Variants in MUSK observed in about 807,000 individuals in gnomAD.
MUSK encodes the protein muscle, skeletal receptor tyrosine-protein kinase.
MUSK carries 55 observed loss-of-function variants against 88.7 expected under a neutral mutation model. The observed-to-expected ratio is 0.62, with a 90% CI of 0.50 to 0.78. The LOEUF (loss-of-function observed/expected upper bound fraction) is 0.78, where lower values mean the gene tolerates loss of function less well. MUSK is among the 30% of genes least tolerant of loss of function. The pLI, the probability that MUSK is intolerant of heterozygous loss-of-function variation, is 0.00. For synonymous variants in MUSK, 387 were observed against 391.9 expected, an observed-to-expected ratio of 0.99 and a Z score of 0.15; for missense variants, 1,015 against 1,074.3, an observed-to-expected ratio of 0.94 and a Z score of 0.77.
At chr9:110,737,815 G>C (rs1482528725) in intron 6 of MUSK, among the ~76,000 whole-genome samples, 1 of 152,062 alleles carries the variant, frequency 6.6e-6, no homozygotes. Context: ...CTCTGCATAT[G>C]TTTGTGGAGG....
At position 110,800,854 on chromosome 9, in the gene MUSK, A is replaced by T. The variant is rs757984021; in HGVS notation, c.2476A>T (p.Asn826Tyr). The T allele has an allele frequency of 6.2e-7, 1 of 1,606,190 alleles. No homozygotes were observed. The highest frequency in any genetic ancestry group is 8.5e-7 in the Non-Finnish European group (1 of 1,174,936). Residue 826 changes from asparagine (N) to tyrosine (Y), a missense_variant, in exon 15 of 15, where the codon AAC becomes TAC. By Grantham distance (143) the Asn-to-Tyr change is moderately radical. Coordinates refer to ENST00000374448, the MANE Select transcript of MUSK (RefSeq NM_005592.4). ...TGGCAACATCCTCTCCTGCCCTGAG[A>T]ACTGCCCCGTGGAGCTGTACAATCT... The part of the protein sequence containing the change: ...RDGNILSCPE[N>Y]CPVELYNLMR...
intron 1 of MUSK, among the ~76,000 whole-genome samples, chr9:110,679,200 T>C (rs1292623854): frequency 1.3e-5 from 2 of 152,092 alleles, no homozygotes; most frequent in Admixed American, 1.3e-4. Context: ...GGTTACACTA[T>C]GTTAAAACAT....
intron 5 of MUSK, among the ~76,000 whole-genome samples, chr9:110,733,726 A>T (rs1467937472): frequency 6.6e-6 from 1 of 152,126 alleles, no homozygotes; most frequent in Non-Finnish European, 1.5e-5. Flanking sequence ...TCTGCCTGAA[A>T]CAATACAGCA....
chr9:110,681,933 C>G (rs2076141022), intron 1 of MUSK, among the ~76,000 whole-genome samples: 1 of 152,018 alleles, frequency 6.6e-6, no homozygotes, highest in Non-Finnish European at 1.5e-5. Context: ...ATGCAGGTAG[C>G]CCTCATTTCA....
chr9:110,697,276 CT>C (rs777642014), intron 4 of MUSK, 48 bp from the exon 5 acceptor site: 1 of 1,596,412 alleles, frequency 6.3e-7, no homozygotes, highest in South Asian at 1.1e-5. Context: ...CAAATGTATC[CT>C]TGATAGACCC....
Position 110,802,488 on chromosome 9 carries a change from T to A in MUSK, c.*1500T>A, listed in dbSNP as rs1181910920. On this transcript the variant is annotated 3_prime_UTR_variant, in exon 15 of 15. Coordinates refer to ENST00000374448, the MANE Select transcript of MUSK (RefSeq NM_005592.4). Reference sequence around the variant, plus strand: ...TTCTTGAAAGTAGATTTTCGCTGTCTGCTGGAAAACTCTGCCTGAAATCCC... The same window carrying A: ...TTCTTGAAAGTAGATTTTCGCTGTCAGCTGGAAAACTCTGCCTGAAATCCC... Among the ~76,000 whole-genome samples, 1 of 152,228 alleles carries A rather than the reference T, an allele frequency of 6.6e-6. No homozygotes were observed. The highest frequency in any genetic ancestry group is 1.5e-5 in the Non-Finnish European group (1 of 68,042).
chr9:110,674,931 C>T (rs772615785), intron 1 of MUSK, among the ~76,000 whole-genome samples: 29 of 152,108 alleles, frequency 1.9e-4, no homozygotes, highest in Non-Finnish European at 3.8e-4. Context: ...AAAATATTAA[C>T]GGTATAATAC....
chr9:110,695,551 AAC>A (rs771980273), intron 4 of MUSK, 21 bp downstream of exon 4: 3 of 1,510,440 alleles, frequency 2.0e-6, no homozygotes, highest in Non-Finnish European at 2.7e-6. Flanking sequence ...ATGATGTTAA[AAC>A]ACATATATAA....
rs141453681 is a variant in MUSK at position 110,678,138 on chromosome 9, G to A, written c.80-4536G>A. ...TTTGTTTGTTTGTTTTTGAGACAAG[G>A]TCTTTCTCTGTCACCCAGGCTGGAG... On this transcript the variant is annotated intron_variant, in intron 1 of 14. Coordinates refer to ENST00000374448, the MANE Select transcript of MUSK (RefSeq NM_005592.4). Among the ~76,000 whole-genome samples the A allele has an allele frequency of 7.9e-5, 12 of 152,180 alleles. No homozygotes were observed. In the East Asian group the frequency reaches 2.3e-3, roughly 29 times the overall value.
chr9:110,787,584 C>A (rs895833529), intron 13 of MUSK, 106 bp from the exon 14 acceptor site: 1 of 1,159,238 alleles, frequency 8.6e-7, no homozygotes, highest in Non-Finnish European at 1.2e-6. Context: ...GAGACTTAAC[C>A]AGCCTTTTAC....
intron 5 of MUSK, among the ~76,000 whole-genome samples, chr9:110,724,861 C>G (rs1386200160): frequency 2.0e-5 from 3 of 151,690 alleles, no homozygotes; most frequent in African/African-American, 7.3e-5. Flanking sequence ...AAATTCTATC[C>G]AGCTGAATAT....
rs150975611 is a variant in MUSK at position 110,693,452 on chromosome 9, C to A, written c.359-1951C>A. 5.9e-5 allele frequency among the ~76,000 whole-genome samples: 9 copies of A among 152,282 alleles called. 1 individual carries two copies. The East Asian group carries it at 1.7e-3, about 29-fold the overall frequency. On this transcript the variant is annotated intron_variant, in intron 3 of 14. Coordinates refer to ENST00000374448, the MANE Select transcript of MUSK (RefSeq NM_005592.4). ...ACTCCAGCTCTCTTAAGCCCTCCCC[C>A]AAGAGCTCCCTCCCCTAAATTCCTA...
chr9:110,731,381 G>A (rs559716937), intron 5 of MUSK, among the ~76,000 whole-genome samples: 1 of 152,158 alleles, frequency 6.6e-6, no homozygotes, highest in African/African-American at 2.4e-5. Context: ...GGATGAGAAA[G>A]TACTATGATA....
intron 11 of MUSK, among the ~76,000 whole-genome samples, chr9:110,784,272 C>T (rs943696409): frequency 5.3e-5 from 8 of 151,976 alleles, no homozygotes; most frequent in African/African-American, 1.9e-4. Context: ...TTTTGGTTTC[C>T]AACAGTAATG....
intron 5 of MUSK, among the ~76,000 whole-genome samples, chr9:110,717,132 T>G (rs1245083458): frequency 6.7e-6 from 1 of 149,776 alleles, no homozygotes; most frequent in Admixed American, 6.6e-5. Flanking sequence ...TTTCTATTAT[T>G]CTTTAGACGA....
At chr9:110,786,778 C>A (rs1030585487) in intron 13 of MUSK, among the ~76,000 whole-genome samples, 2 of 152,108 alleles carry the variant, frequency 1.3e-5, no homozygotes, top group Non-Finnish European at 1.5e-5. Flanking sequence ...GAATAAAATA[C>A]CCTTTCTGCT....
intron 6 of MUSK, among the ~76,000 whole-genome samples, chr9:110,738,878 A>G (rs1410345391): frequency 6.6e-6 from 1 of 152,184 alleles, no homozygotes; most frequent in Non-Finnish European, 1.5e-5. Context: ...TCCTCAGGCT[A>G]TCCATCTTTG....
Position 110,787,724 on chromosome 9 carries a change from A to T in MUSK, c.1813A>T (p.Met605Leu), listed in dbSNP as rs758777089. 1 of 1,613,976 alleles carries T rather than the reference A, an allele frequency of 6.2e-7. No individual in the cohort carries two copies. Among genetic ancestry groups the T allele is most frequent in the Non-Finnish European group, 8.5e-7 (1 of 1,179,852 alleles). Residue 605 changes from methionine to leucine, a missense_variant, in exon 14 of 15, where the codon ATG becomes TTG. Coordinates refer to ENST00000374448, the MANE Select transcript of MUSK (RefSeq NM_005592.4). ...CTTACTTCCCTATGAACCTTTCACT[A>T]TGGTGGCAGTAAAGATGCTCAAAGA... Reference protein sequence around the residue: ...PGLLPYEPFTMVAVKMLKEEA... With the variant: ...PGLLPYEPFTLVAVKMLKEEA...
At chr9:110,780,303 G>A (rs1201525600) in intron 11 of MUSK, among the ~76,000 whole-genome samples, 3 of 151,934 alleles carry the variant, frequency 2.0e-5, no homozygotes, top group African/African-American at 4.8e-5. Context: ...CTTCATTTCT[G>A]CCCACCCCAT....
Sources: gnomAD v4.1 joint callset for allele counts (sites outside exome capture counted in the v4.1 genomes callset) on GRCh38, gnomAD v4.1.1 for gene constraint, MANE v1.5 for transcripts, NCBI Gene and HGNC (gene_info 2026-07-23, HGNC 2026-07-21) for gene names.